Variants in PCDHA3 observed in about 807,000 individuals in gnomAD.
PCDHA3 encodes protocadherin alpha 3.
Under a neutral mutation model 62.2 loss-of-function variants are expected in PCDHA3, and 41 were observed. The observed-to-expected ratio is 0.66, with a 90% CI of 0.51 to 0.86. The LOEUF (loss-of-function observed/expected upper bound fraction) is 0.86, where lower values mean the gene tolerates loss of function less well. PCDHA3 is among the 40% of genes least tolerant of loss of function. PCDHA3 has a pLI of 0.00. For synonymous variants in PCDHA3, 640 were observed against 555.4 expected (o/e 1.15, Z -2.14); for missense variants, 1,304 against 1,241.2 (o/e 1.05, Z -0.76).
intron 1 of PCDHA3, chr5:140,810,985 G>T (rs1259488309): frequency 6.6e-6 from 1 of 152,024 alleles, no homozygotes; most frequent in East Asian, 1.9e-4. Flanking sequence ...TGAGGTAGGG[G>T]TCAAGATTTA....
chr5:140,843,689 G>A lies in PCDHA3; in HGVS notation c.2394+40098G>A, dbSNP rs2150365146. 5 of 1,587,152 alleles carry A rather than the reference G, an allele frequency of 3.2e-6. 1 individual carries two copies. The highest frequency in any genetic ancestry group is 4.3e-6 in the Non-Finnish European group (5 of 1,157,468). On this transcript the variant is annotated intron_variant, in intron 1 of 3. Coordinates refer to ENST00000522353, the MANE Select transcript of PCDHA3 (RefSeq NM_018906.3). ...ATCAGTTGATGTAGGCGAAGAGCAAGATTTAAATGTTGATCATGGCCTCAA... is the reference window on the plus strand; with the variant it reads ...ATCAGTTGATGTAGGCGAAGAGCAAAATTTAAATGTTGATCATGGCCTCAA...
intron 1 of PCDHA3, chr5:140,875,439 G>C (rs375983329): frequency 3.8e-6 from 6 of 1,569,382 alleles, no homozygotes; most frequent in East Asian, 2.3e-5. Flanking sequence ...CCTTAAAACT[G>C]ATTGTCCCAA....
At position 140,801,783 on chromosome 5, in the gene PCDHA3, T is replaced by C. The variant is rs561536628; in HGVS notation, c.586T>C (p.Leu196=). The C allele has an allele frequency of 1.2e-5, 19 of 1,613,816 alleles. No individual in the cohort carries two copies. The highest frequency in any genetic ancestry group is 5.0e-5 in the Admixed American group (3 of 59,978). The change falls in exon 1 of 4, where the codon TTG becomes CTG. Residue 196 remains leucine, a synonymous_variant. Coordinates refer to ENST00000522353, the MANE Select transcript of PCDHA3 (RefSeq NM_018906.3). The stretch of plus-strand genomic sequence containing the variant: ...GGAAATTAAATCCCTTGGACTCGTG[T>C]TGAAAAAAAATTTAAATCGAGAGGA... ...DEEIKSLGLV[L]KKNLNREDTP...
Position 140,884,512 on chromosome 5 carries a change from G to A in PCDHA3, c.2394+80921G>A, listed in dbSNP as rs782026771. 4.3e-5 allele frequency: 70 copies of A among 1,614,202 alleles called. No individual in the cohort carries two copies. The Middle Eastern group carries it at 4.9e-4, about 11-fold the overall frequency. ...TGTGCTCCAGCGCGGCAGGGAGTTG[G>A]TCGTACTCGCAGCAGAGGCGGCCGA... is the stretch of plus-strand genomic sequence containing the variant. On this transcript the variant is annotated intron_variant, in intron 1 of 3. Transcript: ENST00000522353.
At chr5:140,952,352 A>G (rs2094730295) in intron 1 of PCDHA3, among the ~76,000 whole-genome samples, 1 of 103,372 alleles carries the variant, frequency 9.7e-6, no homozygotes, top group Non-Finnish European at 2.0e-5. Flanking sequence ...AAAAAAAAAA[A>G]AAGAAAGAAA....
At chr5:141,007,476 G>A (rs1412241964) in intron 3 of PCDHA3, among the ~76,000 whole-genome samples, 1 of 151,712 alleles carries the variant, frequency 6.6e-6, no homozygotes, top group Non-Finnish European at 1.5e-5. Context: ...GCTGAGGCAC[G>A]AGAATTACTT....
intron 1 of PCDHA3, among the ~76,000 whole-genome samples, chr5:140,901,055 A>G (rs1454535703): frequency 6.6e-6 from 1 of 152,088 alleles, no homozygotes; most frequent in African/African-American, 2.4e-5. Context: ...AAATTAGATT[A>G]TTAGATTTTT....
chr5:140,802,487 G>C lies in PCDHA3; in HGVS notation c.1290G>C (p.Gly430=). ...AYELVVTARD[G]GSPSLWATAS... ...AGCTGGTGGTGACTGCTCGGGACGG[G>C]GGCTCGCCTTCACTGTGGGCCACGG... The change falls in exon 1 of 4, where the codon GGG becomes GGC. Residue 430 remains glycine (G), a synonymous_variant. Transcript: ENST00000522353. 1.2e-6 allele frequency: 2 copies of C among 1,614,168 alleles called. No homozygotes were observed. Among genetic ancestry groups the C allele is most frequent in the South Asian group, 2.2e-5 (2 of 91,086 alleles).
At chr5:140,867,118 T>G (rs2049765139) in intron 1 of PCDHA3, 1 of 152,172 alleles carries the variant, frequency 6.6e-6, no homozygotes, top group Non-Finnish European at 1.5e-5. Context: ...CATATTGTTT[T>G]AATTCAAATA....
intron 1 of PCDHA3, among the ~76,000 whole-genome samples, chr5:140,845,875 A>C: frequency 6.7e-6 from 1 of 149,840 alleles, no homozygotes; most frequent in East Asian, 1.9e-4. Context: ...AAGGCAACCT[A>C]AAATGTCAGA....
rs199811254 is a variant in PCDHA3 at position 140,877,222 on chromosome 5, T to C, written c.2394+73631T>C. 9.3e-5 allele frequency: 150 copies of C among 1,613,562 alleles called. No homozygotes were observed. Among genetic ancestry groups the C allele is most frequent in the Admixed American group, 2.2e-4 (13 of 59,972 alleles). Reference sequence around the variant, plus strand: ...CGCAGTTAGCGAGTTGGTACCGCGGTCGGTGGGTGCGGGCCACGTGGTGGC... The same window carrying C: ...CGCAGTTAGCGAGTTGGTACCGCGGCCGGTGGGTGCGGGCCACGTGGTGGC... On this transcript the variant is annotated intron_variant, in intron 1 of 3. Transcript: ENST00000522353.
At chr5:140,808,639 G>T (rs782266582) in intron 1 of PCDHA3, 1 of 1,613,450 alleles carries the variant, frequency 6.2e-7, no homozygotes, top group Non-Finnish European at 8.5e-7. Context: ...ACGCGGACGC[G>T]CAGGAGAACG....
chr5:140,841,443 A>C (rs2150315650), intron 1 of PCDHA3: 1 of 1,612,892 alleles, frequency 6.2e-7, no homozygotes, highest in Admixed American at 1.7e-5. Context: ...GAGGCCAAAC[A>C]CGGCACCTTC....
chr5:140,894,571 T>A (rs782019282), intron 1 of PCDHA3, among the ~76,000 whole-genome samples: 5 of 151,906 alleles, frequency 3.3e-5, no homozygotes, highest in Non-Finnish European at 5.9e-5. Context: ...TTATTTTCCT[T>A]TTTTTTAATA....
At chr5:140,821,106 A>G (rs1334946350) in intron 1 of PCDHA3, among the ~76,000 whole-genome samples, 1 of 152,190 alleles carries the variant, frequency 6.6e-6, no homozygotes, top group African/African-American at 2.4e-5. Flanking sequence ...AAATGTCACT[A>G]TTAAACAGTG....
At chr5:140,923,714 A>G (rs1396629400) in intron 1 of PCDHA3, among the ~76,000 whole-genome samples, 7 of 152,250 alleles carry the variant, frequency 4.6e-5, no homozygotes, top group African/African-American at 1.4e-4. Context: ...TACTTGAATA[A>G]GAATGCAATG....
At chr5:140,843,109 A>T (rs2150352812) in intron 1 of PCDHA3, 2 of 1,595,800 alleles carry the variant, frequency 1.3e-6, no homozygotes. Context: ...AGGTGCGCGC[A>T]GTGGACGCCG....
intron 1 of PCDHA3, among the ~76,000 whole-genome samples, chr5:140,941,368 G>A (rs2093051755): frequency 7.3e-6 from 1 of 136,646 alleles, no homozygotes; most frequent in Non-Finnish European, 1.5e-5. Context: ...CTAGGCTGGA[G>A]TGTAGTGACA....
chr5:140,833,070 T>C lies in PCDHA3; in HGVS notation c.2394+29479T>C, dbSNP rs149875221. Among the ~76,000 whole-genome samples the C allele has an allele frequency of 3.8e-4, 58 of 152,314 alleles. No homozygotes were observed. The East Asian group carries it at 0.01, about 27-fold the overall frequency. ...GAAAAGTAATATGAGAAAAACCTTT[T>C]GTATAACTTTGAGTACTAGACGAGT... On this transcript the variant is annotated intron_variant, in intron 1 of 3. Coordinates refer to ENST00000522353, the MANE Select transcript of PCDHA3 (RefSeq NM_018906.3).
Sources: gnomAD v4.1 joint callset for allele counts (sites outside exome capture counted in the v4.1 genomes callset) on GRCh38, gnomAD v4.1.1 for gene constraint, MANE v1.5 for transcripts, NCBI Gene and HGNC (gene_info 2026-07-23, HGNC 2026-07-21) for gene names.